DGKB: variants seen among roughly 807,000 people sequenced by gnomAD.
The protein encoded by DGKB is diacylglycerol kinase beta.
A neutral mutation model predicts 114.3 loss-of-function variants in DGKB; 67 were observed. The ratio of observed to expected loss-of-function variants is 0.59; its 90% confidence interval spans 0.48 to 0.72. The LOEUF (loss-of-function observed/expected upper bound fraction) is 0.72, where lower values mean the gene tolerates loss of function less well. DGKB is among the 30% of genes least tolerant of loss of function. The probability of loss-of-function intolerance (pLI) is 0.00; values close to 1 mark genes in which losing one functional copy is unlikely to be tolerated. For synonymous variants in DGKB, 398 were observed against 323.1 expected, an observed-to-expected ratio of 1.23 and a Z score of -2.49; for missense variants, 907 against 975.2, an observed-to-expected ratio of 0.93 and a Z score of 0.93.
intron 19 of DGKB, among the ~76,000 whole-genome samples, chr7:14,579,535 T>G (rs1026429873): frequency 6.6e-6 from 1 of 152,192 alleles, no homozygotes; most frequent in East Asian, 1.9e-4. Context: ...TCTATGCACT[T>G]GTATGAACAC....
chr7:14,405,888 T>C (rs975911736), intron 21 of DGKB, among the ~76,000 whole-genome samples: 1 of 151,966 alleles, frequency 6.6e-6, no homozygotes, highest in Admixed American at 6.6e-5. Flanking sequence ...GAGTTTGGTG[T>C]CTTTTAGGAA....
At chr7:14,561,226 A>C (rs1201861488) in intron 20 of DGKB, among the ~76,000 whole-genome samples, 2 of 151,792 alleles carry the variant, frequency 1.3e-5, no homozygotes, top group Admixed American at 6.6e-5. Context: ...CCCTGCACAC[A>C]CTCTCTTGCC....
intron 23 of DGKB, among the ~76,000 whole-genome samples, chr7:14,330,117 G>T (rs1809464437): frequency 6.6e-6 from 1 of 151,828 alleles, no homozygotes; most frequent in South Asian, 2.1e-4. Flanking sequence ...ATATAGAAGG[G>T]TTTTAGAATA....
chr7:14,694,047 G>C, intron 9 of DGKB, 28 bp downstream of exon 9: 2 of 1,559,826 alleles, frequency 1.3e-6, no homozygotes, highest in Non-Finnish European at 8.7e-7. Flanking sequence ...CTCACCACCA[G>C]GCCACCCTCC....
rs1223989375 is a variant in DGKB, at chr7:14,250,847, C to T, written c.2123-72696G>A. On this transcript the variant is annotated intron_variant, in intron 23 of 25. Coordinates refer to ENST00000402815, the MANE Select transcript of DGKB (RefSeq NM_001350709.2). ...GCGTATATGCATACAGTTTTTATAT[C>T]CTCTTGATGAATTGACTCCATTATC... Among the ~76,000 whole-genome samples the T allele has an allele frequency of 2.0e-5, 3 of 152,082 alleles. No homozygotes were observed. In the East Asian group the frequency reaches 5.8e-4, roughly 29 times the overall value.
At chr7:14,259,029 AG>A (rs1225208610) in intron 23 of DGKB, among the ~76,000 whole-genome samples, 2 of 152,174 alleles carry the variant, frequency 1.3e-5, no homozygotes, top group African/African-American at 4.8e-5. Flanking sequence ...ATAGATTCAA[AG>A]CAACCATTCT....
chr7:14,375,138 G>T (rs1818281094), intron 21 of DGKB, among the ~76,000 whole-genome samples: 1 of 152,154 alleles, frequency 6.6e-6, no homozygotes, highest in Non-Finnish European at 1.5e-5. Context: ...TACTTTTGGA[G>T]CATTGGTTTA....
intron 21 of DGKB, among the ~76,000 whole-genome samples, chr7:14,425,707 G>C (rs1195369829): frequency 6.6e-6 from 1 of 152,160 alleles, no homozygotes; most frequent in African/African-American, 2.4e-5. Context: ...AACAGCAGGA[G>C]AGAGAAGACA....
rs573708198 is a variant in DGKB, at chr7:14,274,261, A to C, written c.2122+64254T>G. On this transcript the variant is annotated intron_variant, in intron 23 of 25. Coordinates refer to ENST00000402815, the MANE Select transcript of DGKB (RefSeq NM_001350709.2). ...AGGAGATTCCTTGAAGGTGATACGCAGTGATAGTTTCAGTGTTTGGAAACA... is the reference window on the plus strand; with the variant it reads ...AGGAGATTCCTTGAAGGTGATACGCCGTGATAGTTTCAGTGTTTGGAAACA... Among the ~76,000 whole-genome samples the C allele has an allele frequency of 1.3e-4, 20 of 152,296 alleles. No homozygotes were observed. In the South Asian group the frequency reaches 4.1e-3, roughly 32 times the overall value.
chr7:14,261,428 G>A (rs1001113013), intron 23 of DGKB, among the ~76,000 whole-genome samples: 16 of 152,100 alleles, frequency 1.1e-4, no homozygotes, highest in Admixed American at 2.0e-4. Context: ...AATATTCTCC[G>A]TCTGTAAACT....
chr7:14,572,473 AATAAAGT>A (rs1258066064), intron 20 of DGKB, among the ~76,000 whole-genome samples: 2 of 151,740 alleles, frequency 1.3e-5, no homozygotes, highest in Non-Finnish European at 2.9e-5. Context: ...AAAAAAAAAG[AATAAAGT>A]ATAAAGTATA....
chr7:14,799,811 C>T (rs1332430819), intron 2 of DGKB, among the ~76,000 whole-genome samples: 1 of 152,170 alleles, frequency 6.6e-6, no homozygotes, highest in Non-Finnish European at 1.5e-5. Flanking sequence ...CCATATGAAC[C>T]AGCAGATTGG....
rs4027158 is a variant in DGKB at position 14,573,467 on chromosome 7, C to CTGTG, written c.1770+741_1770+744dup. On this transcript the variant is annotated intron_variant, in intron 20 of 25. Transcript: ENST00000402815. Reference sequence around the variant, plus strand: ...CTACTAGCCTTTTTATAATCTATCTCTGTGTGTGTGTGTGTGTGTGTGTGT... The same window carrying CTGTG: ...CTACTAGCCTTTTTATAATCTATCTCTGTGTGTGTGTGTGTGTGTGTGTGTGTGT... Among the ~76,000 whole-genome samples, 506 of 145,592 alleles carry CTGTG rather than the reference C, an allele frequency of 3.5e-3. 2 individuals are homozygous for CTGTG. Among genetic ancestry groups the CTGTG allele is most frequent in the East Asian group, 0.028 (139 of 4,954 alleles).
intron 23 of DGKB, among the ~76,000 whole-genome samples, chr7:14,211,360 TATTTACTCTCGTGTTTTGTGA>T (rs1787818065): frequency 1.2e-5 from 1 of 86,288 alleles, no homozygotes; most frequent in Admixed American, 1.3e-4. Context: ...TGTTTTGTGA[TATTTACTCTCGTGTTTTGTGA>T]TTTTACTCTC....
intron 21 of DGKB, among the ~76,000 whole-genome samples, chr7:14,427,558 A>T (rs1314717788): frequency 6.6e-6 from 1 of 152,126 alleles, no homozygotes; most frequent in Non-Finnish European, 1.5e-5. Context: ...CACGCTGCTG[A>T]TAGAGACATA....
chr7:14,683,509 A>G (rs1821182020), intron 10 of DGKB, among the ~76,000 whole-genome samples: 1 of 152,162 alleles, frequency 6.6e-6, no homozygotes, highest in South Asian at 2.1e-4. Flanking sequence ...TATATATAAT[A>G]CGTGTCAGAA....
At chr7:14,356,115 G>C (rs987059427) in intron 21 of DGKB, among the ~76,000 whole-genome samples, 3 of 152,138 alleles carry the variant, frequency 2.0e-5, no homozygotes, top group Non-Finnish European at 4.4e-5. Flanking sequence ...TGTGGGATCA[G>C]TGGTGATATC....
rs148649547 is a variant in DGKB, at chr7:14,307,441, G to A, written c.2122+31074C>T. On this transcript the variant is annotated intron_variant, in intron 23 of 25. Transcript: ENST00000402815. The stretch of plus-strand genomic sequence containing the variant: ...TGACTAAGCATATTAATTGAATAGC[G>A]TTAAATAACAGTAAAGGTTAAAGAT... 2.2e-3 allele frequency among the ~76,000 whole-genome samples: 337 copies of A among 152,174 alleles called. 1 individual carries two copies. The highest frequency in any genetic ancestry group is 7.2e-3 in the African/African-American group (298 of 41,550).
intron 20 of DGKB, among the ~76,000 whole-genome samples, chr7:14,482,045 C>G (rs1481573185): frequency 6.6e-6 from 1 of 151,892 alleles, no homozygotes; most frequent in African/African-American, 2.4e-5. Context: ...ATTAAATTGA[C>G]TGGGTTCAAG....
Sources: gnomAD v4.1 joint callset for allele counts (sites outside exome capture counted in the v4.1 genomes callset) on GRCh38, gnomAD v4.1.1 for gene constraint, MANE v1.5 for transcripts, NCBI Gene and HGNC (gene_info 2026-07-23, HGNC 2026-07-21) for gene names.